The following TMEM131 variants were observed in gnomAD, a reference collection of about 807,000 sequenced individuals.
TMEM131 encodes 2610524E03Rik.
Under a neutral mutation model 211.6 loss-of-function variants are expected in TMEM131, and 66 were observed. The ratio of observed to expected loss-of-function variants is 0.31; its 90% CI spans 0.26 to 0.38. TMEM131 has a LOEUF of 0.38. Among genes scored for constraint, TMEM131 ranks in the 10% least tolerant of loss-of-function variants. The pLI is 1.00. For missense variants in TMEM131, 2,036 were observed against 2,299.3 expected (o/e 0.89, Z 2.34); for synonymous variants, 844 against 841.3 (o/e 1.00, Z -0.06).
chr2:97,990,836 G>C (rs1192688877), intron 1 of TMEM131, among the ~76,000 whole-genome samples: 2 of 152,110 alleles, frequency 1.3e-5, no homozygotes, highest in Non-Finnish European at 2.9e-5. Flanking sequence ...ACTGTGTTTT[G>C]CACCTACGTC....
chr2:97,872,651 A>G (rs1368479198), intron 4 of TMEM131, among the ~76,000 whole-genome samples: 1 of 152,036 alleles, frequency 6.6e-6, no homozygotes, highest in African/African-American at 2.4e-5. Context: ...GGGTCAGGGA[A>G]TTTTCTCTTC....
intron 11 of TMEM131, among the ~76,000 whole-genome samples, chr2:97,830,132 T>TTAAAAA (rs762339222): frequency 2.8e-5 from 2 of 72,350 alleles, no homozygotes; most frequent in Non-Finnish European, 5.2e-5. Context: ...CATTATCAGT[T>TTAAAAA]AAAAAAAAAA....
At chr2:97,909,986 C>G (rs1364661857) in intron 2 of TMEM131, among the ~76,000 whole-genome samples, 1 of 152,054 alleles carries the variant, frequency 6.6e-6, no homozygotes, top group Non-Finnish European at 1.5e-5. Context: ...AATCAAATAT[C>G]TGATGAGATT....
Position 97,802,771 on chromosome 2 carries a change from C to T in TMEM131, c.2422G>A (p.Val808Ile), listed in dbSNP as rs375241359. The change falls in exon 23 of 41, where the codon GTA becomes ATA. Residue 808 changes from valine to isoleucine, a missense_variant. Val to Ile is a conservative substitution (Grantham distance 29, BLOSUM62 3). Transcript: ENST00000186436. ...ATATTTTTTTGAAGGTCTGTATTTACTTCAAATATAGCACTCAATCTAGAA... is the reference window on the plus strand; with the variant it reads ...ATATTTTTTTGAAGGTCTGTATTTATTTCAAATATAGCACTCAATCTAGAA... ...SGHRLSAIFE[V>I]NTDLQKNIIS... The T allele has an allele frequency of 4.5e-6, 7 of 1,561,562 alleles. No individual in the cohort carries two copies. The African/African-American group carries it at 8.3e-5, about 19-fold the overall frequency.
In TMEM131 at chr2:97,805,081, C is replaced by T. The variant is rs1488114026; in HGVS notation, c.2402+7G>A. On this transcript the variant is annotated splice_region_variant and intron_variant, in intron 22 of 40. Transcript: ENST00000186436. ...ATGGCTAAAATAAATAAACATAAAC[C>T]ACTCACCTATGACCTGAATTTTCCT... is the stretch of plus-strand genomic sequence containing the variant. 1.3e-6 allele frequency: 2 copies of T among 1,577,800 alleles called. No homozygotes were observed. The highest frequency in any genetic ancestry group is 1.7e-6 in the Non-Finnish European group (2 of 1,158,214).
At chr2:97,888,995 A>G (rs956818506) in intron 3 of TMEM131, among the ~76,000 whole-genome samples, 4 of 152,332 alleles carry the variant, frequency 2.6e-5, no homozygotes, top group Middle Eastern at 3.4e-3. Flanking sequence ...TAGTAATTTC[A>G]TTCAGGATTA....
intron 2 of TMEM131, among the ~76,000 whole-genome samples, chr2:97,924,399 A>G (rs1255865316): frequency 1.3e-5 from 2 of 152,182 alleles, no homozygotes; most frequent in African/African-American, 4.8e-5. Flanking sequence ...CTGTGTGGTC[A>G]GTCAGCTGTG....
intron 26 of TMEM131, 88 bp from the exon 27 acceptor site, chr2:97,797,074 A>G: frequency 7.5e-7 from 1 of 1,324,620 alleles, no homozygotes; most frequent in South Asian, 1.4e-5. Context: ...TTTACAGAGC[A>G]CCACATAGAA....
At chr2:97,915,766 C>T (rs1676484007) in intron 2 of TMEM131, among the ~76,000 whole-genome samples, 1 of 152,138 alleles carries the variant, frequency 6.6e-6, no homozygotes, top group Non-Finnish European at 1.5e-5. Flanking sequence ...TAGTTTTATT[C>T]TCCCTAAAGG....
At chr2:97,981,880 CATA>C (rs1293938187) in intron 1 of TMEM131, among the ~76,000 whole-genome samples, 1 of 152,202 alleles carries the variant, frequency 6.6e-6, no homozygotes, top group African/African-American at 2.4e-5. Flanking sequence ...AACAAGCATT[CATA>C]ATAATACTTC....
Position 97,766,615 on chromosome 2 carries a change from C to G in TMEM131, c.4449-13G>C, listed in dbSNP as rs1467727689. On this transcript the variant is annotated splice_polypyrimidine_tract_variant and intron_variant, in intron 33 of 40. Coordinates refer to ENST00000186436, the MANE Select transcript of TMEM131 (RefSeq NM_015348.2). ...TAGTTCTAATGAACTGAAAGACAAT[C>G]AGGGATGGAAAATACAAATTTATTC... is the stretch of plus-strand genomic sequence containing the variant. The G allele has an allele frequency of 2.5e-6, 4 of 1,612,792 alleles. No homozygotes were observed. Among genetic ancestry groups the G allele is most frequent in the Non-Finnish European group, 3.4e-6 (4 of 1,179,306 alleles).
intron 4 of TMEM131, among the ~76,000 whole-genome samples, chr2:97,884,177 A>G (rs1183902558): frequency 6.6e-6 from 1 of 151,972 alleles, no homozygotes; most frequent in Non-Finnish European, 1.5e-5. Context: ...TTCTTCCTTC[A>G]CCCATTGGTC....
chr2:97,954,543 G>T (rs946972755), intron 1 of TMEM131, among the ~76,000 whole-genome samples: 1 of 152,166 alleles, frequency 6.6e-6, no homozygotes, highest in Non-Finnish European at 1.5e-5. Context: ...AGTGGCTCAC[G>T]CCTGTAATCC....
chr2:97,963,639 A>G (rs1269258891), intron 1 of TMEM131, among the ~76,000 whole-genome samples: 1 of 152,176 alleles, frequency 6.6e-6, no homozygotes, highest in Non-Finnish European at 1.5e-5. Flanking sequence ...CGCTTGAACC[A>G]GGGAGACGGA....
chr2:97,804,505 A>G (rs1210564789), intron 22 of TMEM131, among the ~76,000 whole-genome samples: 1 of 151,962 alleles, frequency 6.6e-6, no homozygotes, highest in Admixed American at 6.6e-5. Context: ...TCTACCAAAA[A>G]TACAAAAATT....
intron 11 of TMEM131, chr2:97,827,622 A>T (rs1406876467): frequency 1.1e-6 from 1 of 943,096 alleles, no homozygotes; most frequent in Non-Finnish European, 1.7e-6. Context: ...ATTTTTATCA[A>T]CTATTTTGTA....
At chr2:97,976,304 C>A (rs897103411) in intron 1 of TMEM131, among the ~76,000 whole-genome samples, 12 of 152,030 alleles carry the variant, frequency 7.9e-5, no homozygotes, top group Admixed American at 5.9e-4. Context: ...TACAGAAAAG[C>A]TATTAGAACT....
At position 97,802,533 on chromosome 2, in the gene TMEM131, T is replaced by C; in HGVS notation, c.2546A>G (p.Glu849Gly). The change falls in exon 24 of 41, where the codon GAA becomes GGA. Residue 849 changes from glutamate to glycine, a missense_variant. Transcript: ENST00000186436. ...TGCAGGATTTTCTAAAGTAATCTCT[T>C]CTTCCTTAAACAAAATAATGAAACA... Reference protein sequence around the residue: ...PLTNTNCSSEEEITLENPADV... With the variant: ...PLTNTNCSSEGEITLENPADV... The C allele has an allele frequency of 6.2e-7, 1 of 1,609,426 alleles. No individual in the cohort carries two copies.
chr2:97,922,229 A>T (rs1326146083), intron 2 of TMEM131, among the ~76,000 whole-genome samples: 11 of 152,162 alleles, frequency 7.2e-5, no homozygotes, highest in Admixed American at 5.2e-4. Flanking sequence ...GCCACCACTG[A>T]TCTGACAGGA....
Sources: gnomAD v4.1 joint callset for allele counts (sites outside exome capture counted in the v4.1 genomes callset) on GRCh38, gnomAD v4.1.1 for gene constraint, MANE v1.5 for transcripts, NCBI Gene and HGNC (gene_info 2026-07-23, HGNC 2026-07-21) for gene names.